Variants in AKR1C3 observed in about 807,000 individuals in gnomAD.
AKR1C3 encodes aldo-keto reductase family 1 member C3.
AKR1C3 carries 48 observed loss-of-function variants against 43.6 expected under a neutral mutation model. The observed-to-expected ratio is 1.10, with a 90% CI of 0.87 to 1.40. The LOEUF is 1.40. Among genes scored for constraint, AKR1C3 ranks in the 40% most tolerant of loss-of-function variants. AKR1C3 has a pLI of 0.00. For synonymous variants in AKR1C3, 162 were observed against 139.6 expected (o/e 1.16, Z -1.13); for missense variants, 482 against 391.2 (o/e 1.23, Z -1.96).
At chr10:5,053,420 C>T (rs1838194433) in intron 1 of AKR1C3, among the ~76,000 whole-genome samples, 1 of 152,232 alleles carries the variant, frequency 6.6e-6, no homozygotes, top group Non-Finnish European at 1.5e-5. Flanking sequence ...AGCACATGCC[C>T]ACCCGGAACT....
At chr10:5,075,730 C>T (rs1388916888) in intron 1 of AKR1C3, among the ~76,000 whole-genome samples, 18 of 152,142 alleles carry the variant, frequency 1.2e-4, no homozygotes, top group South Asian at 4.2e-4. Context: ...CAAAATTAGC[C>T]GGGCATGGTG....
intron 5 of AKR1C3, among the ~76,000 whole-genome samples, chr10:5,100,774 T>TTTA (rs1839329529): frequency 6.6e-6 from 1 of 152,196 alleles, no homozygotes; most frequent in African/African-American, 2.4e-5. Context: ...CCTTCAATTT[T>TTTA]TTATTATGAT....
chr10:5,105,733 A>G, intron 8 of AKR1C3, 56 bp downstream of exon 8: 1 of 1,408,506 alleles, frequency 7.1e-7, no homozygotes, highest in Non-Finnish European at 1.0e-6. Flanking sequence ...GGAATGTAGG[A>G]TGGGTGTTGA....
chr10:5,065,211 C>T (rs1838475005), intron 1 of AKR1C3, among the ~76,000 whole-genome samples: 1 of 150,998 alleles, frequency 6.6e-6, no homozygotes, highest in African/African-American at 2.5e-5. Context: ...TCTCAAAGAA[C>T]TTAAAACAAA....
rs1056859490 is a variant in AKR1C3 at position 5,096,503 on chromosome 10, C to G, written c.178C>G (p.Gln60Glu). 3 of 1,613,792 alleles carry G rather than the reference C, an allele frequency of 1.9e-6. No homozygotes were observed. The highest frequency in any genetic ancestry group is 3.3e-4 in the Middle Eastern group (2 of 6,060). The change falls in exon 2 of 9, where the codon CAG (glutamine) becomes GAG (glutamate). Residue 60 changes from glutamine (Q) to glutamate (E), a missense_variant. Gln to Glu is a conservative substitution (Grantham distance 29, BLOSUM62 2). Transcript: ENST00000380554. ...TGCTCATTTATACAATAATGAGGAG[C>G]AGGTTGGACTGGCCATCCGAAGCAA... ...DSAHLYNNEEQVGLAIRSKIA... is the reference protein window; with the variant it reads ...DSAHLYNNEEEVGLAIRSKIA...
At chr10:5,055,141 G>C (rs1838233654) in intron 1 of AKR1C3, among the ~76,000 whole-genome samples, 1 of 152,182 alleles carries the variant, frequency 6.6e-6, no homozygotes, top group South Asian at 2.1e-4. Flanking sequence ...GGGGGAAGAG[G>C]CTTACTTTCA....
At position 5,096,511 on chromosome 10, in the gene AKR1C3, A is replaced by G. The variant is rs61730878; in HGVS notation, c.186A>G (p.Gly62=). 1.4e-3 allele frequency: 2,215 copies of G among 1,613,882 alleles called. 36 individuals are homozygous for G. The African/African-American group carries it at 0.027, about 19-fold the overall frequency. Residue 62 remains glycine, a synonymous_variant, in exon 2 of 9, where the codon GGA becomes GGG. Transcript: ENST00000380554. ...TATACAATAATGAGGAGCAGGTTGG[A>G]CTGGCCATCCGAAGCAAGATTGCAG... is the stretch of plus-strand genomic sequence containing the variant. ...AHLYNNEEQV[G]LAIRSKIADG...
chr10:5,098,315 C>T (rs1839262503), intron 3 of AKR1C3: 3 of 457,388 alleles, frequency 6.6e-6, no homozygotes, highest in Non-Finnish European at 5.8e-6. Context: ...GGCTTTGGAG[C>T]AGCTCAAGGC....
At chr10:5,103,938 TGATA>T (rs1211869434) in intron 7 of AKR1C3, among the ~76,000 whole-genome samples, 8 of 152,004 alleles carry the variant, frequency 5.3e-5, no homozygotes, top group Non-Finnish European at 1.2e-4. Context: ...TATGATAGAT[TGATA>T]TATATATTAT....
chr10:5,054,397 C>T (rs1047912170), intron 1 of AKR1C3, among the ~76,000 whole-genome samples: 8 of 152,118 alleles, frequency 5.3e-5, no homozygotes, highest in East Asian at 1.9e-4. Flanking sequence ...TCTGCACTGA[C>T]GGACTTGAGC....
intron 1 of AKR1C3, among the ~76,000 whole-genome samples, chr10:5,087,716 T>C (rs1554783400): frequency 6.6e-6 from 1 of 152,076 alleles, no homozygotes; most frequent in Non-Finnish European, 1.5e-5. Flanking sequence ...AATATTCTTT[T>C]TTTTTCTTTG....
upstream of AKR1C3, among the ~76,000 whole-genome samples, chr10:5,092,526 T>G (rs1839118032): frequency 6.6e-6 from 1 of 151,756 alleles, no homozygotes; most frequent in Non-Finnish European, 1.5e-5. Context: ...GTAAAATATC[T>G]TATCCCTAAA....
intron 5 of AKR1C3, among the ~76,000 whole-genome samples, chr10:5,100,290 G>A (rs782009467): frequency 4.0e-5 from 6 of 151,882 alleles, no homozygotes; most frequent in Non-Finnish European, 7.4e-5. Context: ...GTGAAACTCC[G>A]TCTCAAAAAA....
At chr10:5,048,898 A>T (rs578210910) in intron 1 of AKR1C3, 2 of 1,611,584 alleles carry the variant, frequency 1.2e-6, no homozygotes, top group African/African-American at 2.7e-5. Flanking sequence ...CTCCAGAGGT[A>T]ATAATAATGT....
chr10:5,076,749 T>G (rs1451623272), intron 1 of AKR1C3, among the ~76,000 whole-genome samples: 1 of 152,212 alleles, frequency 6.6e-6, no homozygotes, highest in Non-Finnish European at 1.5e-5. Flanking sequence ...TAAAACTCAC[T>G]TGATTCCTCA....
intron 1 of AKR1C3, among the ~76,000 whole-genome samples, chr10:5,078,469 C>T (rs1316644224): frequency 2.6e-5 from 4 of 152,088 alleles, no homozygotes; most frequent in Non-Finnish European, 5.9e-5. Context: ...TAATCATAAT[C>T]ATAAAAGCGA....
Position 5,105,588 on chromosome 10 carries a change from C to CTGA in AKR1C3, c.847-5_847-3dup, listed in dbSNP as rs782142258. The CTGA allele has an allele frequency of 5.6e-6, 9 of 1,610,524 alleles. No homozygotes were observed. Among genetic ancestry groups the CTGA allele is most frequent in the Non-Finnish European group, 6.8e-6 (8 of 1,177,880 alleles). ...TAAAAATAATAAAAGTTTTTTATTT[C>CTGA]TGATAGGTTTTTGAGTTCCAGTTGA... is the stretch of plus-strand genomic sequence containing the variant. On this transcript the variant is annotated splice_polypyrimidine_tract_variant and splice_region_variant and intron_variant, in intron 7 of 8. Transcript: ENST00000380554.
At chr10:5,074,970 G>A (rs531109771) in intron 1 of AKR1C3, among the ~76,000 whole-genome samples, 7 of 152,142 alleles carry the variant, frequency 4.6e-5, no homozygotes, top group Non-Finnish European at 8.8e-5. Flanking sequence ...TCAATATCCC[G>A]CCCTTTCCCC....
intron 5 of AKR1C3, among the ~76,000 whole-genome samples, chr10:5,101,783 T>A (rs1554786041): frequency 6.6e-6 from 1 of 152,190 alleles, no homozygotes; most frequent in African/African-American, 2.4e-5. Flanking sequence ...TCTGGCACAA[T>A]CTGAAGCCCA....
Sources: gnomAD v4.1 joint callset for allele counts (sites outside exome capture counted in the v4.1 genomes callset) on GRCh38, gnomAD v4.1.1 for gene constraint, MANE v1.5 for transcripts, NCBI Gene and HGNC (gene_info 2026-07-23, HGNC 2026-07-21) for gene names.